Variants in LIMA1 observed in about 807,000 individuals in gnomAD.
LIMA1 encodes LIM domain and actin binding 1.
In LIMA1, 52 loss-of-function variants were observed where a neutral mutation model predicts 62.6. That is an observed-to-expected ratio of 0.83 (90% CI 0.67 to 1.05). The LOEUF (loss-of-function observed/expected upper bound fraction) is 1.05, where lower values mean the gene tolerates loss of function less well. Among genes scored for constraint, LIMA1 ranks in the 50% least tolerant of loss-of-function variants. The pLI is 0.00. For missense variants in LIMA1, 780 were observed against 902.2 expected (o/e 0.86, Z 1.74); for synonymous variants, 302 against 317.8 (o/e 0.95, Z 0.53).
intron 2 of LIMA1, among the ~76,000 whole-genome samples, chr12:50,245,008 A>G (rs1462697364): frequency 1.3e-5 from 2 of 152,222 alleles, no homozygotes; most frequent in Admixed American, 1.3e-4. Context: ...CCAATCAAAC[A>G]GTAGGTTCTC....
chr12:50,214,395 T>A (rs1166668578), intron 4 of LIMA1, among the ~76,000 whole-genome samples: 1 of 152,274 alleles, frequency 6.6e-6, no homozygotes, highest in African/African-American at 2.4e-5. Context: ...GAAGATTCAC[T>A]GACAGGCAAA....
intron 3 of LIMA1, among the ~76,000 whole-genome samples, chr12:50,227,507 T>A (rs1309593937): frequency 1.3e-5 from 2 of 152,164 alleles, no homozygotes; most frequent in Non-Finnish European, 2.9e-5. Context: ...GGATTACAGA[T>A]GTGAGCCACC....
At chr12:50,276,605 T>A (rs905128135) in intron 1 of LIMA1, among the ~76,000 whole-genome samples, 40 of 152,142 alleles carry the variant, frequency 2.6e-4, no homozygotes, top group African/African-American at 7.5e-4. Flanking sequence ...GTGTGGTGGC[T>A]CACGCCTGTA....
chr12:50,209,423 A>C (rs1355860001), intron 4 of LIMA1, among the ~76,000 whole-genome samples: 1 of 151,890 alleles, frequency 6.6e-6, no homozygotes, highest in East Asian at 2.0e-4. Flanking sequence ...TACAAAAATT[A>C]GCTGGGGTGG....
chr12:50,258,898 G>C (rs534400076), intron 1 of LIMA1, among the ~76,000 whole-genome samples: 1 of 149,254 alleles, frequency 6.7e-6, no homozygotes, highest in East Asian at 2.0e-4. Context: ...TGCCCACCTC[G>C]GCCCCCCAAA....
At chr12:50,201,588 A>C in intron 6 of LIMA1, 4 of 904,742 alleles carry the variant, frequency 4.4e-6, no homozygotes, top group Non-Finnish European at 5.3e-6. Flanking sequence ...CAATTAACTC[A>C]TCTATTACAT....
rs1207362274 is a variant in LIMA1 at position 50,210,883 on chromosome 12, GTC to G, written c.631-4817_631-4816del. Among the ~76,000 whole-genome samples the G allele has an allele frequency of 2.0e-5, 3 of 152,330 alleles. No individual in the cohort carries two copies. The East Asian group carries it at 5.8e-4, about 29-fold the overall frequency. On this transcript the variant is annotated intron_variant, in intron 4 of 10. Coordinates refer to ENST00000341247, the MANE Select transcript of LIMA1 (RefSeq NM_016357.5). ...CTCAGAGAAAAATAGGAAGAGAACT[GTC>G]TCTGAAAAATCCCTCATACAGACTG...
chr12:50,210,737 T>C (rs1941241401), intron 4 of LIMA1, among the ~76,000 whole-genome samples: 1 of 152,254 alleles, frequency 6.6e-6, no homozygotes, highest in South Asian at 2.1e-4. Flanking sequence ...TTTAAACTGC[T>C]GGGTTAATTA....
intron 1 of LIMA1, among the ~76,000 whole-genome samples, chr12:50,279,047 C>T (rs143773939): frequency 0.02 from 2,934 of 150,094 alleles, 90 homozygotes; most frequent in African/African-American, 0.068. Context: ...GCTTTGTCAC[C>T]CAGGCTGGAG....
intron 3 of LIMA1, among the ~76,000 whole-genome samples, chr12:50,225,293 ACTCTC>A (rs1941510137): frequency 6.6e-6 from 1 of 151,464 alleles, no homozygotes; most frequent in African/African-American, 2.4e-5. Context: ...TGGGGGAAAA[ACTCTC>A]AATCAATATA....
chr12:50,184,975 G>A (rs758682104), intron 9 of LIMA1, among the ~76,000 whole-genome samples: 2 of 152,022 alleles, frequency 1.3e-5, no homozygotes, highest in African/African-American at 2.4e-5. Context: ...GGGATTACAG[G>A]CGTGCACCAC....
intron 3 of LIMA1, among the ~76,000 whole-genome samples, chr12:50,227,856 CTT>C (rs1365858204): frequency 7.2e-5 from 10 of 139,562 alleles, no homozygotes; most frequent in African/African-American, 1.1e-4. Flanking sequence ...TTTTTTTTTT[CTT>C]TTTTTTTTTT....
chr12:50,206,369 C>T (rs184655010), intron 4 of LIMA1, among the ~76,000 whole-genome samples: 1 of 152,274 alleles, frequency 6.6e-6, no homozygotes, highest in East Asian at 1.9e-4. Flanking sequence ...TCCTTCTAAA[C>T]TGCCAAGTGC....
At chr12:50,222,923 T>G (rs1351856788) in intron 3 of LIMA1, among the ~76,000 whole-genome samples, 1 of 151,454 alleles carries the variant, frequency 6.6e-6, no homozygotes. Flanking sequence ...TTCTGCTGGG[T>G]TTTTTTTTCT....
chr12:50,267,720 A>G (rs1378043157), intron 1 of LIMA1, among the ~76,000 whole-genome samples: 1 of 148,052 alleles, frequency 6.8e-6, no homozygotes, highest in African/African-American at 2.5e-5. Context: ...GGGTTTCACC[A>G]TGTTGGCCAG....
chr12:50,204,755 T>C, intron 5 of LIMA1, 55 bp from the exon 6 acceptor site: 6 of 1,559,112 alleles, frequency 3.8e-6, no homozygotes, highest in Non-Finnish European at 4.4e-6. Context: ...GGTCTCACTC[T>C]ATCACCCAGG....
chr12:50,220,821 T>G (rs1489849691), intron 4 of LIMA1, among the ~76,000 whole-genome samples: 1 of 152,184 alleles, frequency 6.6e-6, no homozygotes, highest in Non-Finnish European at 1.5e-5. Flanking sequence ...TTAAGAAACG[T>G]TATAAAACTG....
Position 50,177,654 on chromosome 12 carries a change from T to G in LIMA1, c.1690A>C (p.Lys564Gln). Reference protein sequence around the residue: ...PKWPPEDEISKPEVPEDVDLD... With the variant: ...PKWPPEDEISQPEVPEDVDLD... ...TCGACATCCTCAGGAACTTCGGGCT[T>G]GCTGATTTCGTCTTCAGGAGGCCAT... The change falls in exon 11 of 11, where the codon AAG becomes CAG. Residue 564 changes from lysine (K) to glutamine (Q), a missense_variant. Coordinates refer to ENST00000341247, the MANE Select transcript of LIMA1 (RefSeq NM_016357.5). 6.2e-7 allele frequency: 1 copy of G among 1,607,578 alleles called. No homozygotes were observed. Among genetic ancestry groups the G allele is most frequent in the Non-Finnish European group, 8.5e-7 (1 of 1,177,084 alleles).
At chr12:50,215,972 C>G (rs1941338891) in intron 4 of LIMA1, among the ~76,000 whole-genome samples, 1 of 151,628 alleles carries the variant, frequency 6.6e-6, no homozygotes, top group African/African-American at 2.4e-5. Flanking sequence ...TTGCTTGAAC[C>G]TGGGAGGCTG....
Sources: gnomAD v4.1 joint callset for allele counts (sites outside exome capture counted in the v4.1 genomes callset) on GRCh38, gnomAD v4.1.1 for gene constraint, MANE v1.5 for transcripts, NCBI Gene and HGNC (gene_info 2026-07-23, HGNC 2026-07-21) for gene names.